The following VAV3 variants were observed in gnomAD, a reference collection of about 807,000 sequenced individuals.
The protein encoded by VAV3 is vav guanine nucleotide exchange factor 3.
Under a neutral mutation model 131.2 loss-of-function variants are expected in VAV3, and 94 were observed. The observed-to-expected ratio is 0.72, with a 90% CI of 0.61 to 0.85. The LOEUF (loss-of-function observed/expected upper bound fraction) is 0.85. Among genes scored for constraint, VAV3 ranks in the 40% least tolerant of loss-of-function variants. The pLI is 0.00. For synonymous variants in VAV3, 349 were observed against 342.0 expected (o/e 1.02, Z -0.22); for missense variants, 939 against 1,002.7 (o/e 0.94, Z 0.86).
At chr1:107,698,484 G>A (rs555761629) in intron 17 of VAV3, among the ~76,000 whole-genome samples, 2 of 152,328 alleles carry the variant, frequency 1.3e-5, no homozygotes, top group East Asian at 3.9e-4. Context: ...TGTACAATAG[G>A]TTAGGTGCAT....
intron 17 of VAV3, among the ~76,000 whole-genome samples, chr1:107,693,988 G>T (rs1659597353): frequency 6.7e-6 from 1 of 149,096 alleles, no homozygotes; most frequent in African/African-American, 2.4e-5. Context: ...TGTCAAGCTG[G>T]CAAAGTCACA....
chr1:107,769,499 A>C (rs759401066), intron 6 of VAV3, among the ~76,000 whole-genome samples: 2 of 152,208 alleles, frequency 1.3e-5, no homozygotes, highest in Non-Finnish European at 2.9e-5. Flanking sequence ...GAGAGTCTGG[A>C]GAGCTGGCCT....
In VAV3 at chr1:107,797,774, A is replaced by G. The variant is rs115527846; in HGVS notation, c.322-18282T>C. 6.6e-3 allele frequency among the ~76,000 whole-genome samples: 1,007 copies of G among 152,268 alleles called. 12 individuals are homozygous for G. Among genetic ancestry groups the G allele is most frequent in the African/African-American group, 0.023 (972 of 41,558 alleles). ...AGAGGAGAAATACCAAGTTGATTTT[A>G]TTTTTAACCTTTGGCTTTTATATAG... On this transcript the variant is annotated intron_variant, in intron 2 of 26. Transcript: ENST00000370056.
At chr1:107,695,872 A>G (rs1010909378) in intron 17 of VAV3, among the ~76,000 whole-genome samples, 1 of 152,198 alleles carries the variant, frequency 6.6e-6, no homozygotes, top group African/African-American at 2.4e-5. Flanking sequence ...ATTAAAAGGT[A>G]GAGTAAAAGA....
chr1:107,867,627 G>A (rs994490162), intron 2 of VAV3, among the ~76,000 whole-genome samples: 1 of 152,140 alleles, frequency 6.6e-6, no homozygotes, highest in Non-Finnish European at 1.5e-5. Context: ...TCACTGCAGA[G>A]CTCCCCCTTA....
intron 2 of VAV3, among the ~76,000 whole-genome samples, chr1:107,834,935 G>T (rs964709485): frequency 6.6e-6 from 1 of 152,138 alleles, no homozygotes; most frequent in Non-Finnish European, 1.5e-5. Flanking sequence ...CTTCTGAACT[G>T]ACAGGGGCAT....
At chr1:107,786,193 T>C (rs1303732616) in intron 2 of VAV3, among the ~76,000 whole-genome samples, 2 of 152,230 alleles carry the variant, frequency 1.3e-5, no homozygotes, top group African/African-American at 2.4e-5. Flanking sequence ...AGTATCTATA[T>C]AGGTTAAATG....
At chr1:107,705,158 A>G in intron 15 of VAV3, 97 bp from the exon 16 acceptor site, 1 of 967,758 alleles carries the variant, frequency 1.0e-6, no homozygotes, top group Non-Finnish European at 1.6e-6. Flanking sequence ...GACATCAGGT[A>G]GAGATCTGAT....
At chr1:107,610,209 T>C (rs1260337168) in intron 21 of VAV3, among the ~76,000 whole-genome samples, 4 of 152,174 alleles carry the variant, frequency 2.6e-5, no homozygotes, top group Non-Finnish European at 5.9e-5. Context: ...AGAGGAGAGA[T>C]AGCAGGCGAA....
At chr1:107,798,578 G>A (rs1406581900) in intron 2 of VAV3, among the ~76,000 whole-genome samples, 1 of 151,764 alleles carries the variant, frequency 6.6e-6, no homozygotes, top group Non-Finnish European at 1.5e-5. Context: ...AATTAGCCGG[G>A]CGTGGTGGTG....
intron 25 of VAV3, chr1:107,576,364 G>C: frequency 1.7e-5 from 25 of 1,473,938 alleles, no homozygotes; most frequent in Non-Finnish European, 2.2e-5. Context: ...GCAAGTTGAA[G>C]AGACAAATAA....
intron 1 of VAV3, among the ~76,000 whole-genome samples, chr1:107,891,572 C>T (rs10881487): frequency 0.66 from 99,595 of 151,758 alleles, 33,179 homozygotes; most frequent in Non-Finnish European, 0.72. Context: ...GGCACGGTAG[C>T]TCATGCCTGT....
chr1:107,604,283 A>G (rs1329432827), intron 22 of VAV3, among the ~76,000 whole-genome samples: 6 of 152,206 alleles, frequency 3.9e-5, no homozygotes, highest in Admixed American at 3.3e-4. Context: ...ATATTCATTT[A>G]AAACGCACAT....
At chr1:107,621,591 T>A (rs528617348) in intron 20 of VAV3, among the ~76,000 whole-genome samples, 6 of 152,136 alleles carry the variant, frequency 3.9e-5, no homozygotes. Flanking sequence ...TGTGATGATA[T>A]GAGGTTTTTA....
chr1:107,912,300 G>C (rs1435952929), intron 1 of VAV3, among the ~76,000 whole-genome samples: 1 of 152,100 alleles, frequency 6.6e-6, no homozygotes. Flanking sequence ...GTAATTTTGA[G>C]GAAGAAACCT....
Position 107,765,154 on chromosome 1 carries a change from G to A in VAV3, c.843C>T (p.Tyr281=). Residue 281 remains tyrosine (Y), a synonymous_variant, in exon 9 of 27, where the codon TAC becomes TAT. Coordinates refer to ENST00000370056, the MANE Select transcript of VAV3 (RefSeq NM_006113.5). ...AGATGGCTGACTCCACTCCACTGCA[G>A]TACTGCCCGTAAATAACCAATCTGA... ...YKERLVIYGQ[Y]CSGVESAISS... is the part of the protein sequence containing the mutation. 1.9e-6 allele frequency: 3 copies of A among 1,613,114 alleles called. No individual in the cohort carries two copies. Among genetic ancestry groups the A allele is most frequent in the South Asian group, 2.2e-5 (2 of 90,974 alleles).
intron 2 of VAV3, among the ~76,000 whole-genome samples, chr1:107,815,253 T>C (rs115321502): frequency 0.033 from 5,094 of 152,284 alleles, 180 homozygotes; most frequent in African/African-American, 0.09. Context: ...ATTGTAGCTA[T>C]GACCTTGACT....
intron 2 of VAV3, chr1:107,785,556 C>T: frequency 8.1e-7 from 1 of 1,241,784 alleles, no homozygotes. Context: ...CGGCATCACA[C>T]CCCTACAACA....
chr1:107,759,671 G>A (rs1400408716), intron 10 of VAV3, among the ~76,000 whole-genome samples: 2 of 151,892 alleles, frequency 1.3e-5, no homozygotes, highest in Non-Finnish European at 2.9e-5. Flanking sequence ...ACAACCCAAG[G>A]GAAATTAGGG....
Sources: gnomAD v4.1 joint callset for allele counts (sites outside exome capture counted in the v4.1 genomes callset) on GRCh38, gnomAD v4.1.1 for gene constraint, MANE v1.5 for transcripts, NCBI Gene and HGNC (gene_info 2026-07-23, HGNC 2026-07-21) for gene names.